The following TLL1 variants were observed in gnomAD, a reference collection of about 807,000 sequenced individuals.
The protein encoded by TLL1 is tolloid like 1, also known as tolloid-like protein 1.
In TLL1, 49 loss-of-function variants were observed where a neutral mutation model predicts 128.2. The ratio of observed to expected loss-of-function variants is 0.38; its 90% CI spans 0.30 to 0.48. The LOEUF is 0.48. TLL1 is among the 20% of genes least tolerant of loss of function. The pLI, the probability that TLL1 is intolerant of heterozygous loss-of-function variation, is 0.96. For missense variants in TLL1, 1,123 were observed against 1,242.0 expected (o/e 0.90, Z 1.44); for synonymous variants, 454 against 418.8 (o/e 1.08, Z -1.03).
At chr4:165,893,761 A>G (rs1323141987) in intron 1 of TLL1, among the ~76,000 whole-genome samples, 1 of 151,686 alleles carries the variant, frequency 6.6e-6, no homozygotes, top group Non-Finnish European at 1.5e-5. Context: ...TGAGCGTCAC[A>G]TAGAATATTG....
intron 2 of TLL1, 84 bp from the exon 3 acceptor site, chr4:165,992,720 A>C: frequency 8.1e-7 from 1 of 1,241,304 alleles, no homozygotes; most frequent in Non-Finnish European, 1.2e-6. Context: ...GACCAAAGAG[A>C]AATCATTGTT....
intron 1 of TLL1, among the ~76,000 whole-genome samples, chr4:165,887,369 G>A (rs2110823666): frequency 6.6e-6 from 1 of 152,232 alleles, no homozygotes; most frequent in South Asian, 2.1e-4. Context: ...AGAGGGATTG[G>A]AGGTAAGAGA....
chr4:166,018,450 A>C (rs571064819), intron 8 of TLL1, among the ~76,000 whole-genome samples: 1 of 152,282 alleles, frequency 6.6e-6, no homozygotes, highest in South Asian at 2.1e-4. Context: ...AAAAATTGAC[A>C]AGTGGGACTT....
chr4:165,908,147 G>C (rs1732358771), intron 1 of TLL1, among the ~76,000 whole-genome samples: 1 of 152,204 alleles, frequency 6.6e-6, no homozygotes, highest in Admixed American at 6.5e-5. Flanking sequence ...GATAGAATAA[G>C]TAGTAATTGT....
At chr4:166,005,814 G>A (rs1229036918) in intron 6 of TLL1, among the ~76,000 whole-genome samples, 1 of 151,780 alleles carries the variant, frequency 6.6e-6, no homozygotes, top group African/African-American at 2.4e-5. Context: ...TTAAAAATAG[G>A]ATCCTGTTTC....
chr4:166,008,222 A>AT (rs1737527881), intron 7 of TLL1, among the ~76,000 whole-genome samples, 174 bp downstream of exon 7: 1 of 151,592 alleles, frequency 6.6e-6, no homozygotes, highest in Non-Finnish European at 1.5e-5. Context: ...TTTAAAAGGC[A>AT]TTTTAAAAAT....
At chr4:166,010,883 G>C (rs1737662731) in intron 7 of TLL1, among the ~76,000 whole-genome samples, 1 of 150,636 alleles carries the variant, frequency 6.6e-6, no homozygotes, top group South Asian at 2.1e-4. Context: ...AGTTTTCTCA[G>C]TGTCATTTGT....
Position 166,101,144 on chromosome 4 carries a change from T to G in TLL1, c.*268T>G. On this transcript the variant is annotated 3_prime_UTR_variant, in exon 21 of 21. Transcript: ENST00000061240. Reference sequence around the variant, plus strand: ...CTTCAAGGAAGACTCTACAAGCTTTTGTTCACAGCTTGAAATAGATGCCTC... The same window carrying G: ...CTTCAAGGAAGACTCTACAAGCTTTGGTTCACAGCTTGAAATAGATGCCTC... 2.4e-6 allele frequency: 1 copy of G among 415,560 alleles called. No homozygotes were observed. Among genetic ancestry groups the G allele is most frequent in the Non-Finnish European group, 4.4e-6 (1 of 225,658 alleles). The allele number at this position is 415,560 out of a possible 1,614,324, so 25.7% of individuals were successfully genotyped here. A position where few individuals can be genotyped will look rare whatever the true frequency, so the allele number is the denominator to read the frequency against.
At chr4:165,910,149 G>C (rs963198024) in intron 1 of TLL1, among the ~76,000 whole-genome samples, 6 of 152,088 alleles carry the variant, frequency 3.9e-5, no homozygotes, top group African/African-American at 1.4e-4. Context: ...TTCACTTTCG[G>C]AAAGCCTGGA....
chr4:165,908,577 T>A (rs1472250637), intron 1 of TLL1, among the ~76,000 whole-genome samples: 3 of 139,726 alleles, frequency 2.1e-5, no homozygotes, highest in Non-Finnish European at 4.6e-5. Flanking sequence ...AGTGAGACCC[T>A]GTCTCAAAAA....
intron 8 of TLL1, 27 bp downstream of exon 8, chr4:166,014,587 A>G (rs888496444): frequency 1.9e-6 from 3 of 1,609,914 alleles, no homozygotes; most frequent in African/African-American, 1.3e-5. Context: ...ACACAAGAGC[A>G]TGACTGTACT....
intron 1 of TLL1, among the ~76,000 whole-genome samples, chr4:165,883,797 A>G (rs1429353927): frequency 6.6e-6 from 1 of 152,196 alleles, no homozygotes; most frequent in Admixed American, 6.5e-5. Context: ...AATCCCCCCA[A>G]TAGACCTTGT....
At chr4:166,055,524 A>G (rs78407595) in intron 13 of TLL1, among the ~76,000 whole-genome samples, 1 of 152,158 alleles carries the variant, frequency 6.6e-6, no homozygotes, top group African/African-American at 2.4e-5. Flanking sequence ...CAAGTTCCAG[A>G]AAAGGATATA....
rs550108314 is a variant in TLL1, at chr4:166,035,755, A to G, written c.1159-3584A>G. Among the ~76,000 whole-genome samples, 9 of 152,274 alleles carry G rather than the reference A, an allele frequency of 5.9e-5. No homozygotes were observed. In the East Asian group the frequency reaches 1.5e-3, roughly 26 times the overall value. On this transcript the variant is annotated intron_variant, in intron 9 of 20. Transcript: ENST00000061240. ...AAATATATTGGTTTTTGCAGGCTGT[A>G]CAGTATTTGTCACAAATACTGATTT...
intron 1 of TLL1, among the ~76,000 whole-genome samples, chr4:165,876,008 G>A (rs991004162): frequency 6.6e-6 from 1 of 151,970 alleles, no homozygotes; most frequent in African/African-American, 2.4e-5. Context: ...TAAAACCAAC[G>A]TTGAATGGAT....
At chr4:165,999,599 G>A (rs1737054800) in intron 5 of TLL1, among the ~76,000 whole-genome samples, 1 of 151,812 alleles carries the variant, frequency 6.6e-6, no homozygotes, top group African/African-American at 2.4e-5. Context: ...TTGGGACACA[G>A]AGTCAAACCA....
At position 166,073,916 on chromosome 4, in the gene TLL1, G is replaced by A. The variant is rs141442250; in HGVS notation, c.2189-962G>A. ...CTAACTCCTCATATGACTGTAACAC[G>A]TCCTTTTCATTCTCTATGTGTGGGA... On this transcript the variant is annotated intron_variant, in intron 16 of 20. Transcript: ENST00000061240. Among the ~76,000 whole-genome samples, 49 of 152,142 alleles carry A rather than the reference G, an allele frequency of 3.2e-4. No homozygotes were observed. The East Asian group carries it at 6.0e-3, about 19-fold the overall frequency.
In TLL1 at chr4:166,100,838, A is replaced by G; in HGVS notation, c.3004A>G (p.Ser1002Gly). 1 of 1,612,964 alleles carries G rather than the reference A, an allele frequency of 6.2e-7. No homozygotes were observed. The change falls in exon 21 of 21, where the codon AGC (serine) becomes GGC (glycine). Residue 1002 changes from serine to glycine, a missense_variant. By Grantham distance (56) the Ser-to-Gly change is moderately conservative. Transcript: ENST00000061240. ...NKKGFHIRYK[S>G]IRYPDTTHTK... ...GAAGGGATTTCATATAAGATACAAA[A>G]GCATAAGATATCCAGATACCACACA...
At chr4:166,066,725 A>ACAAGCTCCATTGAGTTC (rs1286515748) in intron 16 of TLL1, among the ~76,000 whole-genome samples, 1 of 151,728 alleles carries the variant, frequency 6.6e-6, no homozygotes, top group East Asian at 1.9e-4. Flanking sequence ...TTAATGGTTC[A>ACAAGCTCCATTGAGTTC]CAAGCTCCAT....
Sources: allele counts gnomAD v4.1 joint callset (sites outside exome capture counted in the v4.1 genomes callset), GRCh38; gene constraint gnomAD v4.1.1; transcripts MANE v1.5; gene names NCBI Gene and HGNC (gene_info 2026-07-23, HGNC 2026-07-21).